Variants in LRBA observed in about 807,000 individuals in gnomAD.
LRBA encodes LPS responsive beige-like anchor protein, also known as lipopolysaccharide-responsive and beige-like anchor protein.
In LRBA, 176 loss-of-function variants were observed where a neutral mutation model predicts 330.0. The observed-to-expected ratio is 0.53, with a 90% confidence interval of 0.47 to 0.60. The LOEUF is 0.60. Ranked by LOEUF, LRBA falls within the 20% of genes least tolerant of loss-of-function variation. The pLI is 0.00. For synonymous variants in LRBA, 1,230 were observed against 1,193.0 expected, an observed-to-expected ratio of 1.03 and a Z score of -0.64; for missense variants, 3,259 against 3,444.8, an observed-to-expected ratio of 0.95 and a Z score of 1.35.
intron 37 of LRBA, among the ~76,000 whole-genome samples, chr4:150,661,600 G>A (rs1482632585): frequency 1.3e-5 from 2 of 151,308 alleles, no homozygotes; most frequent in African/African-American, 4.9e-5. Flanking sequence ...TTAAAACAGT[G>A]CATCATGTTT....
At chr4:150,846,022 C>T (rs1749790997) in intron 26 of LRBA, among the ~76,000 whole-genome samples, 1 of 152,160 alleles carries the variant, frequency 6.6e-6, no homozygotes, top group Middle Eastern at 3.4e-3. Context: ...CAACAGATAA[C>T]TAGATAAAGA....
At chr4:150,471,242 T>C (rs541411663) in intron 43 of LRBA, among the ~76,000 whole-genome samples, 1 of 152,314 alleles carries the variant, frequency 6.6e-6, no homozygotes, top group East Asian at 1.9e-4. Context: ...TGGAATGACA[T>C]CTAACATTCC....
chr4:150,625,815 T>A (rs1455170663), intron 37 of LRBA, among the ~76,000 whole-genome samples: 2 of 151,864 alleles, frequency 1.3e-5, no homozygotes, highest in Non-Finnish European at 2.9e-5. Flanking sequence ...GTTAGAGTGA[T>A]TCTCCTGTCT....
chr4:150,776,488 T>C lies in LRBA; in HGVS notation c.5581-14641A>G, dbSNP rs1044366177. Among the ~76,000 whole-genome samples the C allele has an allele frequency of 2.6e-5, 4 of 152,196 alleles. No homozygotes were observed. The East Asian group carries it at 7.7e-4, about 29-fold the overall frequency. ...TCGTATTATACTATTATTTGGGTGC[T>C]TTATTTGATGAAAAATAAATTTTAA... On this transcript the variant is annotated intron_variant, in intron 34 of 56. Coordinates refer to ENST00000651943, the MANE Select transcript of LRBA (RefSeq NM_001364905.1).
At position 150,735,299 on chromosome 4, in the gene LRBA, T is replaced by G; in HGVS notation, c.5713A>C (p.Arg1905=). Residue 1905 remains arginine (R), a synonymous_variant, in exon 36 of 57, where the codon AGG becomes CGG. Coordinates refer to ENST00000651943, the MANE Select transcript of LRBA (RefSeq NM_001364905.1). ...VANEAEFILS[R]QRAEDIHRHA... is the part of the protein sequence containing the mutation. ...CTGTGAATATCTTCTGCTCTCTGCC[T>G]GCTCAGGATAAATTCAGCTTCATTT... is the stretch of plus-strand genomic sequence containing the variant. The G allele has an allele frequency of 6.2e-7, 1 of 1,613,878 alleles. No individual in the cohort carries two copies. The highest frequency in any genetic ancestry group is 8.5e-7 in the Non-Finnish European group (1 of 1,179,792).
At position 150,872,651 on chromosome 4, in the gene LRBA, C is replaced by T. The variant is rs761565710; in HGVS notation, c.2258+12G>A. On this transcript the variant is annotated intron_variant, in intron 18 of 56. Transcript: ENST00000651943. Reference sequence around the variant, plus strand: ...GAATACAACAGTCCATCTTAGATTTCGGCATACTTACTTTGGGGCCAGATG... The same window carrying T: ...GAATACAACAGTCCATCTTAGATTTTGGCATACTTACTTTGGGGCCAGATG... The T allele has an allele frequency of 1.3e-5, 20 of 1,556,910 alleles. No individual in the cohort carries two copies. The highest frequency in any genetic ancestry group is 3.4e-5 in the South Asian group (3 of 89,328).
chr4:150,648,120 G>A (rs1475690055), intron 37 of LRBA, among the ~76,000 whole-genome samples: 2 of 77,184 alleles, frequency 2.6e-5, no homozygotes, highest in East Asian at 4.4e-4. Flanking sequence ...GAAAGAAGGA[G>A]GCAGTGAGGA....
At chr4:150,283,842 C>T (rs1269285654) in intron 54 of LRBA, among the ~76,000 whole-genome samples, 1 of 152,136 alleles carries the variant, frequency 6.6e-6, no homozygotes, top group Non-Finnish European at 1.5e-5. Context: ...TCATCAGTGA[C>T]CAATCACATC....
chr4:150,516,215 CTCTT>C (rs146442226), intron 40 of LRBA, among the ~76,000 whole-genome samples: 23,208 of 85,396 alleles, frequency 0.27, 6,031 homozygotes, highest in South Asian at 0.41. Context: ...ATTTTCTATT[CTCTT>C]TTTTTTTTTT....
Position 150,517,399 on chromosome 4 carries a change from T to C in LRBA, c.6331-26364A>G, listed in dbSNP as rs994902108. Among the ~76,000 whole-genome samples the C allele has an allele frequency of 3.9e-5, 6 of 152,134 alleles. No individual in the cohort carries two copies. The East Asian group carries it at 7.7e-4, about 20-fold the overall frequency. ...AGCCAGGCATGGTGGCATGCAGCCA[T>C]AGTCCCAGCTACTCAGGAGGCTAAG... On this transcript the variant is annotated intron_variant, in intron 40 of 56. Coordinates refer to ENST00000651943, the MANE Select transcript of LRBA (RefSeq NM_001364905.1).
At chr4:150,339,641 T>C (rs865854513) in intron 48 of LRBA, among the ~76,000 whole-genome samples, 4 of 152,098 alleles carry the variant, frequency 2.6e-5, no homozygotes, top group Admixed American at 1.3e-4. Context: ...GGTCCATAAT[T>C]CCAGACTTTT....
chr4:150,777,155 A>C (rs985373153), intron 34 of LRBA, among the ~76,000 whole-genome samples: 3 of 151,934 alleles, frequency 2.0e-5, no homozygotes, highest in African/African-American at 7.2e-5. Context: ...GTGCAGGGGC[A>C]TGATTATAGC....
intron 40 of LRBA, among the ~76,000 whole-genome samples, chr4:150,494,729 C>T (rs1224637869): frequency 6.6e-6 from 1 of 152,186 alleles, no homozygotes; most frequent in African/African-American, 2.4e-5. Flanking sequence ...GGCACGGTGG[C>T]TCACGCCTGT....
chr4:150,373,172 T>TGAGAGAGAGAGAGA (rs902421554), intron 47 of LRBA, among the ~76,000 whole-genome samples: 3 of 97,458 alleles, frequency 3.1e-5, no homozygotes, highest in African/African-American at 1.3e-4. Context: ...TGTGTGTGTG[T>TGAGAGAGAGAGAGA]GAGAGAGAGA....
At chr4:150,888,597 T>G (rs1164281033) in intron 17 of LRBA, among the ~76,000 whole-genome samples, 1 of 152,070 alleles carries the variant, frequency 6.6e-6, no homozygotes, top group Non-Finnish European at 1.5e-5. Context: ...TGAAATTACA[T>G]ACACTGGCAT....
chr4:150,450,643 G>A (rs1753232692), intron 44 of LRBA, among the ~76,000 whole-genome samples: 1 of 152,116 alleles, frequency 6.6e-6, no homozygotes, highest in South Asian at 2.1e-4. Context: ...ACATTCATAG[G>A]TACCTGGAGG....
At chr4:150,840,572 C>T (rs1267774068) in intron 28 of LRBA, 3 of 152,622 alleles carry the variant, frequency 2.0e-5, no homozygotes, top group East Asian at 3.8e-4. Context: ...ATTAAGTTCA[C>T]TGTCTTAAAT....
At chr4:150,423,116 G>A (rs1749047404) in intron 46 of LRBA, 1 of 858,280 alleles carries the variant, frequency 1.2e-6, no homozygotes, top group South Asian at 1.3e-5. Context: ...CAATTATAAA[G>A]TGCCAGGAAG....
chr4:150,787,186 C>T (rs931639467), intron 34 of LRBA, among the ~76,000 whole-genome samples: 3 of 151,484 alleles, frequency 2.0e-5, no homozygotes, highest in African/African-American at 7.3e-5. Context: ...CGCCACTGCA[C>T]TCCAGCGTGG....
Sources: gnomAD v4.1 joint callset for allele counts (sites outside exome capture counted in the v4.1 genomes callset) on GRCh38, gnomAD v4.1.1 for gene constraint, MANE v1.5 for transcripts, NCBI Gene and HGNC (gene_info 2026-07-23, HGNC 2026-07-21) for gene names.